Variants in TTC27 observed in about 807,000 individuals in gnomAD.
TTC27 encodes the protein tetratricopeptide repeat domain 27, also known as tetratricopeptide repeat protein 27.
In TTC27, 79 loss-of-function variants were observed where a neutral mutation model predicts 115.9. That is an observed-to-expected ratio of 0.68 (90% confidence interval 0.57 to 0.82). The LOEUF (loss-of-function observed/expected upper bound fraction) is 0.82. TTC27 is among the 40% of genes least tolerant of loss of function. TTC27 has a pLI of 0.00. For synonymous variants in TTC27, 401 were observed against 356.0 expected (o/e 1.13, Z -1.42); for missense variants, 1,054 against 993.1 (o/e 1.06, Z -0.82).
At chr2:32,674,928 C>G (rs960045059) in intron 8 of TTC27, among the ~76,000 whole-genome samples, 2 of 152,072 alleles carry the variant, frequency 1.3e-5, no homozygotes, top group East Asian at 3.9e-4. Flanking sequence ...TCCCAAAGTG[C>G]TGGGATTACA....
In TTC27 at chr2:32,811,901, T is replaced by G. The variant is rs896696711; in HGVS notation, c.2197-603T>G. On this transcript the variant is annotated intron_variant, in intron 17 of 19. Transcript: ENST00000317907. Reference sequence around the variant, plus strand: ...CCACGGCACAGCTAATCTGTGGGATTCTTAGCCATTCTCTCCTCCCTCAAT... The same window carrying G: ...CCACGGCACAGCTAATCTGTGGGATGCTTAGCCATTCTCTCCTCCCTCAAT... 2.7e-4 allele frequency among the ~76,000 whole-genome samples: 41 copies of G among 152,224 alleles called. 1 individual carries two copies. Among genetic ancestry groups the G allele is most frequent in the African/African-American group, 9.4e-4 (39 of 41,460 alleles).
intron 10 of TTC27, among the ~76,000 whole-genome samples, chr2:32,720,507 A>AG (rs1186351922): frequency 1.3e-5 from 2 of 152,182 alleles, no homozygotes; most frequent in Non-Finnish European, 2.9e-5. Flanking sequence ...TGTAGTAACA[A>AG]GCCCCAATGC....
intron 14 of TTC27, among the ~76,000 whole-genome samples, chr2:32,778,439 C>G (rs1013466791): frequency 6.6e-6 from 1 of 152,156 alleles, no homozygotes; most frequent in African/African-American, 2.4e-5. Context: ...AGCTTTAGAT[C>G]ATCTTTATTA....
At chr2:32,694,945 C>A (rs1035226331) in intron 9 of TTC27, among the ~76,000 whole-genome samples, 1 of 152,000 alleles carries the variant, frequency 6.6e-6, no homozygotes, top group African/African-American at 2.4e-5. Flanking sequence ...TCCCAAAGTG[C>A]TGGGATTACA....
At chr2:32,754,109 A>G (rs1000202980) in intron 12 of TTC27, among the ~76,000 whole-genome samples, 10 of 151,916 alleles carry the variant, frequency 6.6e-5, no homozygotes, top group African/African-American at 2.4e-4. Context: ...AAAATAAATA[A>G]AAAATTAAAG....
chr2:32,671,675 T>G (rs866086614), intron 7 of TTC27, among the ~76,000 whole-genome samples: 9 of 152,352 alleles, frequency 5.9e-5, no homozygotes, highest in African/African-American at 2.2e-4. Context: ...GTCGATCATT[T>G]GCATTTCCAT....
chr2:32,795,328 A>C (rs1670661373), intron 16 of TTC27, among the ~76,000 whole-genome samples: 1 of 151,946 alleles, frequency 6.6e-6, no homozygotes, highest in South Asian at 2.1e-4. Context: ...CTACATTAAC[A>C]GAATGAGGGG....
At chr2:32,636,254 C>G (rs1410635456) in intron 3 of TTC27, among the ~76,000 whole-genome samples, 1 of 152,162 alleles carries the variant, frequency 6.6e-6, no homozygotes, top group East Asian at 1.9e-4. Flanking sequence ...CACTCTGTCG[C>G]CCAGGCTGGA....
At chr2:32,699,666 T>C (rs1667117080) in intron 9 of TTC27, among the ~76,000 whole-genome samples, 2 of 152,234 alleles carry the variant, frequency 1.3e-5, no homozygotes, top group Admixed American at 1.3e-4. Flanking sequence ...ATAAAATATA[T>C]TGAATATAGC....
intron 16 of TTC27, among the ~76,000 whole-genome samples, chr2:32,807,560 G>A (rs1253931579): frequency 6.6e-6 from 1 of 151,940 alleles, no homozygotes; most frequent in African/African-American, 2.4e-5. Context: ...AACAATTTTG[G>A]TTAAACAAAT....
intron 8 of TTC27, among the ~76,000 whole-genome samples, chr2:32,674,996 A>C (rs1490155874): frequency 6.6e-6 from 1 of 152,244 alleles, no homozygotes; most frequent in East Asian, 1.9e-4. Context: ...CTGCATAAAA[A>C]ATACTTGTTC....
At chr2:32,767,443 G>GTTTTTT (rs150586627) in intron 13 of TTC27, among the ~76,000 whole-genome samples, 31 of 112,214 alleles carry the variant, frequency 2.8e-4, no homozygotes, top group South Asian at 5.3e-4. Context: ...ATATTTATAA[G>GTTTTTT]TTTTTTTTTG....
chr2:32,644,368 T>C (rs1306891089), intron 4 of TTC27, among the ~76,000 whole-genome samples: 2 of 150,334 alleles, frequency 1.3e-5, no homozygotes, highest in Non-Finnish European at 3.0e-5. Context: ...AAAAAAAGTA[T>C]GTTAAGCATC....
intron 13 of TTC27, among the ~76,000 whole-genome samples, chr2:32,763,688 G>T (rs1426529227): frequency 6.6e-6 from 1 of 152,186 alleles, no homozygotes; most frequent in African/African-American, 2.4e-5. Context: ...GGGATGAGAT[G>T]CAAAACTAAA....
intron 4 of TTC27, among the ~76,000 whole-genome samples, chr2:32,641,232 A>C (rs890876455): frequency 6.6e-6 from 1 of 152,212 alleles, no homozygotes; most frequent in Non-Finnish European, 1.5e-5. Flanking sequence ...CAGAATGCTA[A>C]TATGCAGAAA....
intron 4 of TTC27, among the ~76,000 whole-genome samples, chr2:32,641,203 G>C (rs536366228): frequency 1.3e-5 from 2 of 152,288 alleles, no homozygotes; most frequent in African/African-American, 4.8e-5. Context: ...ATATAAACTA[G>C]TGAGGACAAA....
At chr2:32,792,562 T>A (rs374684362) in intron 16 of TTC27, among the ~76,000 whole-genome samples, 95 of 152,232 alleles carry the variant, frequency 6.2e-4, no homozygotes, top group African/African-American at 2.1e-3. Flanking sequence ...TAACTGAGGT[T>A]TGGGGAAGCC....
intron 12 of TTC27, among the ~76,000 whole-genome samples, chr2:32,745,004 C>T (rs1401213078): frequency 7.2e-6 from 1 of 139,648 alleles, no homozygotes; most frequent in South Asian, 2.3e-4. Flanking sequence ...GCCAAGATCA[C>T]GCCACTGCAC....
chr2:32,668,261 T>G (rs1451085945), intron 7 of TTC27, among the ~76,000 whole-genome samples: 1 of 151,644 alleles, frequency 6.6e-6, no homozygotes, highest in East Asian at 2.0e-4. Context: ...TCCCAGCTAC[T>G]TGGGAGGTTG....
Sources: allele counts gnomAD v4.1 joint callset (sites outside exome capture counted in the v4.1 genomes callset), GRCh38; gene constraint gnomAD v4.1.1; transcripts MANE v1.5; gene names NCBI Gene and HGNC (gene_info 2026-07-23, HGNC 2026-07-21).